The following AFF2 variants were observed in gnomAD, a reference collection of about 807,000 sequenced individuals.
AFF2 encodes AF4/FMR2 family member 2.
In AFF2, 14 loss-of-function variants were observed where a neutral mutation model predicts 76.9. The ratio of observed to expected loss-of-function variants is 0.18; its 90% CI spans 0.12 to 0.28. AFF2 has a LOEUF of 0.28. Ranked by LOEUF, AFF2 falls within the 10% of genes least tolerant of loss-of-function variation. The pLI is 1.00. For missense variants in AFF2, 868 were observed against 1,001.1 expected (o/e 0.87, Z 1.79); for synonymous variants, 398 against 366.7 (o/e 1.09, Z -0.98).
chrX:148,501,651 G>A, intron 1 of AFF2, among the ~76,000 whole-genome samples: 1 of 113,512 alleles, frequency 8.8e-6, no homozygotes, highest in East Asian at 2.8e-4. Flanking sequence ...GCGCTGCGCG[G>A]CGCGCACACC....
intron 1 of AFF2, among the ~76,000 whole-genome samples, chrX:148,575,080 T>A (rs1246266537): frequency 1.8e-5 from 2 of 110,188 alleles, no homozygotes; most frequent in African/African-American, 3.3e-5. Context: ...TAGCACTGAC[T>A]ATTTTGCCAA....
chrX:148,751,254 T>C (rs2055496064), intron 3 of AFF2, among the ~76,000 whole-genome samples: 1 of 112,549 alleles, frequency 8.9e-6, no homozygotes, highest in Non-Finnish European at 1.9e-5. Context: ...TTTGTTTACT[T>C]TTGTAGCCAG....
intron 9 of AFF2, among the ~76,000 whole-genome samples, chrX:148,908,981 C>T (rs1557281736): frequency 1.8e-5 from 2 of 111,763 alleles, no homozygotes; most frequent in African/African-American, 6.5e-5. Context: ...CATCTGGCCC[C>T]TTATAGAAAG....
intron 3 of AFF2, among the ~76,000 whole-genome samples, chrX:148,754,981 A>AT (rs1428471590): frequency 1.8e-5 from 2 of 112,242 alleles, no homozygotes; most frequent in Non-Finnish European, 3.8e-5. Flanking sequence ...AGGCATCAAC[A>AT]TGCTGATTGA....
Position 148,999,554 on chromosome X carries a change from A to G in AFF2, c.*8222A>G, listed in dbSNP as rs781842545. On this transcript the variant is annotated 3_prime_UTR_variant, in exon 21 of 21. Coordinates refer to ENST00000370460, the MANE Select transcript of AFF2 (RefSeq NM_002025.4). ...TCGCTGGACCATTGTGGCAAGCCAT[A>G]ACTGCACAAAGAGTACACATCGTCA... 9.0e-6 allele frequency: 1 copy of G among 111,381 alleles called. No individual in the cohort carries two copies. Among genetic ancestry groups the G allele is most frequent in the Non-Finnish European group, 1.9e-5 (1 of 53,138 alleles). The allele number at this position is 111,381 out of a possible 1,213,427, so 9.2% of individuals were successfully genotyped here. A position where few individuals can be genotyped will look rare whatever the true frequency, so the allele number is the denominator to read the frequency against.
chrX:148,678,788 C>A (rs5980571), intron 3 of AFF2, among the ~76,000 whole-genome samples: 6,779 of 111,225 alleles, frequency 0.061, 501 homozygotes, highest in African/African-American at 0.21. Context: ...CCTCCCTGTC[C>A]CATAAATATG....
chrX:148,969,577 G>T (rs1438351594), intron 15 of AFF2, among the ~76,000 whole-genome samples: 1 of 112,080 alleles, frequency 8.9e-6, no homozygotes, highest in African/African-American at 3.2e-5. Flanking sequence ...CAATGCAATG[G>T]TATGTTAAGA....
rs1400796746 is a variant in AFF2, at chrX:148,985,131, T to C, written c.3624-2236T>C. Among the ~76,000 whole-genome samples, 6 of 107,645 alleles carry C rather than the reference T, an allele frequency of 5.6e-5. No homozygotes were observed. The East Asian group carries it at 1.8e-3, about 32-fold the overall frequency. The allele number at this position is 107,645 out of a possible 115,157, so 93.5% of individuals were successfully genotyped here. A position where few individuals can be genotyped will look rare whatever the true frequency, so the allele number is the denominator to read the frequency against. ...TCCCAAGTAGCTGGGACTACAGGCG[T>C]GTGCCACCATGCCCAGCTAATTTTC... On this transcript the variant is annotated intron_variant, in intron 19 of 20. Transcript: ENST00000370460.
At chrX:148,705,924 G>T (rs2124521234) in intron 3 of AFF2, among the ~76,000 whole-genome samples, 1 of 111,459 alleles carries the variant, frequency 9.0e-6, no homozygotes, top group South Asian at 3.8e-4. Context: ...CAATCCTGGG[G>T]CTCTATACAT....
chrX:148,920,880 C>T (rs782316275), intron 9 of AFF2, among the ~76,000 whole-genome samples: 3 of 110,521 alleles, frequency 2.7e-5, no homozygotes, highest in Non-Finnish European at 5.7e-5. Flanking sequence ...TTGGTGATTT[C>T]GACGCATCAG....
intron 3 of AFF2, among the ~76,000 whole-genome samples, chrX:148,676,883 C>G (rs1300983811): frequency 9.0e-6 from 1 of 110,552 alleles, no homozygotes; most frequent in Non-Finnish European, 1.9e-5. Context: ...GATGGGGAGT[C>G]TTTTAAATCA....
rs190526375 is a variant in AFF2 at position 148,573,755 on chromosome X, A to G, written c.47+72611A>G. On this transcript the variant is annotated intron_variant, in intron 1 of 20. Coordinates refer to ENST00000370460, the MANE Select transcript of AFF2 (RefSeq NM_002025.4). ...CAAGTTTGGGTTAAATGATATAGAG[A>G]TTTGAAGCTTTACTCTTTGAAGTGA... Among the ~76,000 whole-genome samples, 5 of 111,596 alleles carry G rather than the reference A, an allele frequency of 4.5e-5. No homozygotes were observed. The East Asian group carries it at 1.4e-3, about 32-fold the overall frequency.
At chrX:148,757,144 A>T (rs782675492) in intron 3 of AFF2, among the ~76,000 whole-genome samples, 9 of 112,794 alleles carry the variant, frequency 8.0e-5, no homozygotes, top group Non-Finnish European at 1.7e-4. Context: ...TTTGGTATAG[A>T]CCAGGAGCTT....
chrX:148,853,841 G>T (rs782622346), intron 7 of AFF2, among the ~76,000 whole-genome samples: 9 of 111,996 alleles, frequency 8.0e-5, no homozygotes, highest in Non-Finnish European at 1.7e-4. Flanking sequence ...GTTTCATGCT[G>T]CTGAGAAGAG....
At chrX:148,827,656 A>T (rs1243763080) in intron 4 of AFF2, among the ~76,000 whole-genome samples, 2 of 112,053 alleles carry the variant, frequency 1.8e-5, no homozygotes, top group African/African-American at 6.5e-5. Flanking sequence ...AAAAAAAATC[A>T]ACTTTGATGG....
At chrX:148,906,462 C>T (rs1199078432) in intron 9 of AFF2, among the ~76,000 whole-genome samples, 2 of 111,982 alleles carry the variant, frequency 1.8e-5, no homozygotes, top group African/African-American at 6.5e-5. Flanking sequence ...AAGGTGACCA[C>T]ACCCTCCTTT....
intron 4 of AFF2, among the ~76,000 whole-genome samples, chrX:148,836,361 T>C (rs781991425): frequency 8.9e-6 from 1 of 111,877 alleles, no homozygotes; most frequent in South Asian, 3.7e-4. Context: ...GCATTACAGC[T>C]CTTCATACAT....
intron 8 of AFF2, among the ~76,000 whole-genome samples, chrX:148,891,716 G>C (rs1337289143): frequency 9.0e-6 from 1 of 111,389 alleles, no homozygotes; most frequent in Non-Finnish European, 1.9e-5. Context: ...GATGGCTTGT[G>C]ATGCCTGGGT....
chrX:148,807,719 A>T (rs1412056108), intron 3 of AFF2, among the ~76,000 whole-genome samples: 1 of 112,750 alleles, frequency 8.9e-6, no homozygotes, highest in Non-Finnish European at 1.9e-5. Flanking sequence ...CAACAATGAT[A>T]TTGAAGATTT....
Sources: gnomAD v4.1 joint callset for allele counts (sites outside exome capture counted in the v4.1 genomes callset) on GRCh38, gnomAD v4.1.1 for gene constraint, MANE v1.5 for transcripts, NCBI Gene and HGNC (gene_info 2026-07-23, HGNC 2026-07-21) for gene names.